The following MARCHF10 variants were observed in gnomAD, a reference collection of about 807,000 sequenced individuals.
MARCHF10 encodes membrane associated ring-CH-type finger 10, also known as probable E3 ubiquitin-protein ligase MARCHF10.
A neutral mutation model predicts 76.2 loss-of-function variants in MARCHF10; 64 were observed. The observed-to-expected ratio is 0.84, with a 90% CI of 0.69 to 1.03. MARCHF10 has a LOEUF of 1.03. Among genes scored for constraint, MARCHF10 ranks in the 50% least tolerant of loss-of-function variants. MARCHF10 has a pLI of 0.00. For missense variants in MARCHF10, 875 were observed against 958.0 expected, an observed-to-expected ratio of 0.91 and a Z score of 1.14; for synonymous variants, 340 against 357.5, an observed-to-expected ratio of 0.95 and a Z score of 0.55.
intron 3 of MARCHF10, among the ~76,000 whole-genome samples, chr17:62,784,795 T>C (rs1043398943): frequency 1.6e-4 from 24 of 152,004 alleles, no homozygotes; most frequent in Non-Finnish European, 8.8e-5. Flanking sequence ...GAGAATAAAA[T>C]ACCTAGGAAT....
intron 4 of MARCHF10, among the ~76,000 whole-genome samples, chr17:62,757,570 T>G (rs949766551): frequency 3.3e-5 from 5 of 152,164 alleles, no homozygotes; most frequent in Non-Finnish European, 7.3e-5. Flanking sequence ...AATGGATGGA[T>G]CTTAACACAT....
intron 4 of MARCHF10, among the ~76,000 whole-genome samples, chr17:62,749,454 GA>G (rs984803082): frequency 1.3e-5 from 2 of 151,168 alleles, no homozygotes; most frequent in African/African-American, 2.4e-5. Context: ...ACAACTCTTT[GA>G]AAAAAAAAGT....
chr17:62,735,884 T>C (rs17683602), intron 6 of MARCHF10, 47 bp downstream of exon 6: 602,982 of 1,543,230 alleles, frequency 0.39, 119,778 homozygotes, highest in African/African-American at 0.45. Flanking sequence ...ATGCTAATTT[T>C]GGCCTTGGGA....
chr17:62,796,713 G>A (rs897220280), intron 2 of MARCHF10, among the ~76,000 whole-genome samples: 3 of 152,244 alleles, frequency 2.0e-5, no homozygotes, highest in Admixed American at 6.5e-5. Context: ...GTGCAGCCGG[G>A]TGCGGTGGCT....
intron 7 of MARCHF10, among the ~76,000 whole-genome samples, chr17:62,724,094 G>C (rs2090631359): frequency 6.6e-6 from 1 of 152,122 alleles, no homozygotes; most frequent in African/African-American, 2.4e-5. Flanking sequence ...AATAGGATCT[G>C]GCTGTGGGGG....
intron 3 of MARCHF10, chr17:62,781,108 CCT>C (rs1555713061): frequency 2.0e-5 from 3 of 152,164 alleles, no homozygotes; most frequent in Non-Finnish European, 2.9e-5. Flanking sequence ...TATTTATTTC[CCT>C]GTTAAATTCC....
At chr17:62,734,338 G>A (rs2091168142) in intron 6 of MARCHF10, among the ~76,000 whole-genome samples, 1 of 152,118 alleles carries the variant, frequency 6.6e-6, no homozygotes, top group African/African-American at 2.4e-5. Context: ...AGAAGATAGG[G>A]TGGGTGAGGG....
Position 62,723,559 on chromosome 17 carries a change from C to CTTT in MARCHF10, c.2105-965_2105-963dup, listed in dbSNP as rs60456766. Among the ~76,000 whole-genome samples the CTTT allele has an allele frequency of 0.039, 3,110 of 80,350 alleles. 633 individuals carry two copies. The East Asian group carries it at 0.51, about 13-fold the overall frequency. 52.7% of individuals were successfully genotyped at this position (80,350 alleles called of 152,430 possible). On this transcript the variant is annotated intron_variant, in intron 7 of 10. Coordinates refer to ENST00000311269, the MANE Select transcript of MARCHF10 (RefSeq NM_152598.4). Reference sequence around the variant, plus strand: ...CCTTATCTGCATTTTGTTCGCTTGACTTTTTTTTTTTTTTTTTTTAGCGTC... The same window carrying CTTT: ...CCTTATCTGCATTTTGTTCGCTTGACTTTTTTTTTTTTTTTTTTTTTTAGCGTC...
chr17:62,731,728 CT>C (rs2091032830), intron 6 of MARCHF10, among the ~76,000 whole-genome samples: 1 of 152,166 alleles, frequency 6.6e-6, no homozygotes. Flanking sequence ...CTCTGCATTC[CT>C]TTCATCAGCA....
At chr17:62,761,152 T>C (rs2092191046) in intron 3 of MARCHF10, among the ~76,000 whole-genome samples, 1 of 152,234 alleles carries the variant, frequency 6.6e-6, no homozygotes, top group Non-Finnish European at 1.5e-5. Context: ...TAAAGAAGTC[T>C]ACATAAATCT....
chr17:62,747,756 T>C (rs2091755453), intron 4 of MARCHF10, among the ~76,000 whole-genome samples: 2 of 152,322 alleles, frequency 1.3e-5, no homozygotes, highest in Admixed American at 1.3e-4. Context: ...CAATAACTTA[T>C]TCAATAGCCT....
chr17:62,800,319 C>G (rs772596379), intron 2 of MARCHF10, among the ~76,000 whole-genome samples: 5 of 152,170 alleles, frequency 3.3e-5, no homozygotes, highest in Non-Finnish European at 5.9e-5. Flanking sequence ...TTCCTACATG[C>G]CTGTTCTGGA....
At chr17:62,791,048 C>A (rs887613527) in intron 2 of MARCHF10, among the ~76,000 whole-genome samples, 3 of 152,206 alleles carry the variant, frequency 2.0e-5, no homozygotes, top group African/African-American at 7.2e-5. Flanking sequence ...ACACTGGACT[C>A]TGTTTGTTTT....
At chr17:62,707,885 T>C (rs1400198534) in intron 9 of MARCHF10, among the ~76,000 whole-genome samples, 1 of 152,168 alleles carries the variant, frequency 6.6e-6, no homozygotes, top group Non-Finnish European at 1.5e-5. Context: ...GGAAGATTTC[T>C]TGAGACTAGG....
At chr17:62,745,107 CTT>C (rs963115348) in intron 4 of MARCHF10, among the ~76,000 whole-genome samples, 4 of 135,122 alleles carry the variant, frequency 3.0e-5, no homozygotes, top group Admixed American at 7.5e-5. Context: ...GTCTTTTTTT[CTT>C]TTTTTTTTTT....
rs2089958687 is a variant in MARCHF10, at chr17:62,712,000, G to A, written c.2215-656C>T. Among the ~76,000 whole-genome samples the A allele has an allele frequency of 6.6e-6, 1 of 152,224 alleles. No individual in the cohort carries two copies. The highest frequency in any genetic ancestry group is 2.4e-5 in the African/African-American group (1 of 41,460). On this transcript the variant is annotated intron_variant, in intron 8 of 10. Transcript: ENST00000311269. The surrounding 1 kb of genome is among the most constrained non-coding windows in gnomAD (Gnocchi z 4.4). ...TGGTGCTCAGAACAGGCGCTACACA[G>A]GGAGGATGTGATGGTCTGGCTGCCC... is the stretch of plus-strand genomic sequence containing the variant.
At chr17:62,792,752 C>CACCACCACCACCTCCATCACT (rs2092876789) in intron 2 of MARCHF10, among the ~76,000 whole-genome samples, 2 of 140,850 alleles carry the variant, frequency 1.4e-5, no homozygotes, top group East Asian at 2.4e-4. Flanking sequence ...CCACCTCCAT[C>CACCACCACCACCTCCATCACT]ACCACCACCA....
intron 4 of MARCHF10, among the ~76,000 whole-genome samples, chr17:62,751,968 C>A (rs568153645): frequency 6.6e-6 from 1 of 151,380 alleles, no homozygotes; most frequent in Non-Finnish European, 1.5e-5. Flanking sequence ...TTCAGTGAGC[C>A]GCGATCGGGC....
intron 4 of MARCHF10, among the ~76,000 whole-genome samples, chr17:62,748,840 G>A (rs2091799382): frequency 6.6e-6 from 1 of 152,134 alleles, no homozygotes; most frequent in African/African-American, 2.4e-5. Flanking sequence ...GGCTAGGATG[G>A]GTCTTTACCA....
Sources: gnomAD v4.1 joint callset for allele counts (sites outside exome capture counted in the v4.1 genomes callset) on GRCh38, gnomAD v4.1.1 for gene constraint, Gnocchi (gnomAD v3.1) non-coding constraint, MANE v1.5 for transcripts, NCBI Gene and HGNC (gene_info 2026-07-23, HGNC 2026-07-21) for gene names.